MECOM: variants seen among roughly 807,000 people sequenced by gnomAD.
The protein encoded by MECOM is histone-lysine N-methyltransferase MECOM.
Under a neutral mutation model 116.3 loss-of-function variants are expected in MECOM, and 13 were observed. That is an observed-to-expected ratio of 0.11 (90% CI 0.07 to 0.18). The LOEUF (loss-of-function observed/expected upper bound fraction) is 0.18. Ranked by LOEUF, MECOM falls within the 10% of genes least tolerant of loss-of-function variation. The pLI, the probability that MECOM is intolerant of heterozygous loss-of-function variation, is 1.00. For missense variants in MECOM, 1,299 were observed against 1,509.0 expected (o/e 0.86, Z 2.31); for synonymous variants, 528 against 535.2 (o/e 0.99, Z 0.19).
At chr3:169,198,500 C>T (rs1015935973) in intron 2 of MECOM, among the ~76,000 whole-genome samples, 2 of 151,952 alleles carry the variant, frequency 1.3e-5, no homozygotes, top group African/African-American at 4.8e-5. Context: ...ATTACTTCTT[C>T]CATGGTTTAG....
chr3:169,261,385 T>C (rs1757515697), intron 2 of MECOM, among the ~76,000 whole-genome samples: 2 of 152,166 alleles, frequency 1.3e-5, no homozygotes, highest in African/African-American at 4.8e-5. Context: ...TATCTTTTTC[T>C]TAAGTGCATG....
rs116358592 is a variant in MECOM at position 169,414,290 on chromosome 3, C to T, written c.38-32766G>A. On this transcript the variant is annotated intron_variant, in intron 1 of 16. Coordinates refer to ENST00000651503, the MANE Select transcript of MECOM (RefSeq NM_004991.4). ...CAGCAAACTCCAGCAGACCTGCAGA[C>T]GAGGAGCCTGACTGTTAGAAGAAAA... Among the ~76,000 whole-genome samples the T allele has an allele frequency of 9.6e-3, 1,456 of 152,186 alleles. 28 individuals are homozygous for T. Among genetic ancestry groups the T allele is most frequent in the African/African-American group, 0.034 (1,394 of 41,554 alleles).
intron 1 of MECOM, among the ~76,000 whole-genome samples, chr3:169,594,174 A>AAAAAAAAAACC (rs1255613781): frequency 7.1e-5 from 9 of 125,946 alleles, no homozygotes; most frequent in African/African-American, 2.9e-4. Flanking sequence ...AAAAAAAAAA[A>AAAAAAAAAACC]AACACCTTTT....
intron 1 of MECOM, among the ~76,000 whole-genome samples, chr3:169,628,603 G>T (rs896564774): frequency 6.6e-6 from 1 of 152,178 alleles, no homozygotes; most frequent in Non-Finnish European, 1.5e-5. Flanking sequence ...ACATTGGCAA[G>T]GTACACACAA....
At chr3:169,412,578 A>G (rs980836661) in intron 1 of MECOM, among the ~76,000 whole-genome samples, 8 of 152,150 alleles carry the variant, frequency 5.3e-5, no homozygotes, top group African/African-American at 1.9e-4. Flanking sequence ...CAAGGAAAAC[A>G]AGCATCTTCC....
chr3:169,339,757 A>T (rs1431786975), intron 2 of MECOM, among the ~76,000 whole-genome samples: 3 of 151,488 alleles, frequency 2.0e-5, no homozygotes, highest in East Asian at 2.0e-4. Flanking sequence ...AATGACATTT[A>T]AAAAAAAACT....
At chr3:169,549,847 G>A (rs765211559) in intron 1 of MECOM, among the ~76,000 whole-genome samples, 37 of 152,170 alleles carry the variant, frequency 2.4e-4, no homozygotes, top group Non-Finnish European at 4.1e-4. Context: ...GGGATGTGGC[G>A]CTGTCCAGAA....
At chr3:169,307,967 A>G (rs964014790) in intron 2 of MECOM, among the ~76,000 whole-genome samples, 3 of 152,130 alleles carry the variant, frequency 2.0e-5, no homozygotes, top group African/African-American at 7.2e-5. Flanking sequence ...TCATGAATTA[A>G]CCAAATTATT....
At position 169,580,194 on chromosome 3, in the gene MECOM, G is replaced by A. The variant is rs775862028; in HGVS notation, c.37+83142C>T. On this transcript the variant is annotated intron_variant, in intron 1 of 16. Coordinates refer to ENST00000651503, the MANE Select transcript of MECOM (RefSeq NM_004991.4). ...TGGACTTTAGAGAGAATATGGTGGC[G>A]TCGAACAATGCTTTCAGTTTGGGGC... is the stretch of plus-strand genomic sequence containing the variant. 6.6e-5 allele frequency among the ~76,000 whole-genome samples: 10 copies of A among 152,308 alleles called. No individual in the cohort carries two copies. In the South Asian group the frequency reaches 8.3e-4, roughly 13 times the overall value.
rs181684079 is a variant in MECOM, at chr3:169,133,860, A to G, written c.511-2329T>C. ...TTATAAGTACACTGTTTCATTCTGG[A>G]GTTCTATTTCCCCTTAGAAAACAAT... On this transcript the variant is annotated intron_variant, in intron 3 of 16. Coordinates refer to ENST00000651503, the MANE Select transcript of MECOM (RefSeq NM_004991.4). 12 of 1,167,086 alleles carry G rather than the reference A, an allele frequency of 1.0e-5. No individual in the cohort carries two copies. In the Admixed American group the frequency reaches 1.4e-4, roughly 13 times the overall value. The allele number at this position is 1,167,086 out of a possible 1,614,324, so 72.3% of individuals were successfully genotyped here.
chr3:169,447,602 T>A (rs1311501535), intron 1 of MECOM, among the ~76,000 whole-genome samples: 4 of 152,220 alleles, frequency 2.6e-5, no homozygotes, highest in African/African-American at 7.2e-5. Context: ...TCTGTCACTG[T>A]CTTCAAGGAA....
At chr3:169,310,131 A>AT (rs1348173418) in intron 2 of MECOM, among the ~76,000 whole-genome samples, 2 of 152,122 alleles carry the variant, frequency 1.3e-5, no homozygotes, top group Admixed American at 1.3e-4. Context: ...CCATTTTGCA[A>AT]TTTTTTCCAA....
At chr3:169,125,579 GA>G (rs1732558346) in intron 5 of MECOM, among the ~76,000 whole-genome samples, 1 of 152,058 alleles carries the variant, frequency 6.6e-6, no homozygotes, top group Non-Finnish European at 1.5e-5. Flanking sequence ...TAATCGGGCA[GA>G]AACTCCATAT....
At chr3:169,185,975 G>T (rs1319150803) in intron 2 of MECOM, among the ~76,000 whole-genome samples, 1 of 151,982 alleles carries the variant, frequency 6.6e-6, no homozygotes, top group Non-Finnish European at 1.5e-5. Flanking sequence ...CCTTTTATTG[G>T]AATAAAGGAA....
chr3:169,292,022 A>G (rs1369620128), intron 2 of MECOM, among the ~76,000 whole-genome samples: 2 of 152,212 alleles, frequency 1.3e-5, no homozygotes, highest in Non-Finnish European at 2.9e-5. Context: ...ATACTGGACC[A>G]CAAATGATTA....
intron 1 of MECOM, among the ~76,000 whole-genome samples, chr3:169,419,625 T>A (rs568157686): frequency 2.6e-5 from 4 of 152,188 alleles, no homozygotes; most frequent in African/African-American, 9.6e-5. Flanking sequence ...GATTAAAGAT[T>A]TAAATGTAAG....
intron 2 of MECOM, among the ~76,000 whole-genome samples, chr3:169,183,188 C>T (rs1172756367): frequency 6.6e-6 from 1 of 152,160 alleles, no homozygotes; most frequent in Non-Finnish European, 1.5e-5. Flanking sequence ...TACTGTTACC[C>T]TAGCTATGTG....
chr3:169,411,722 G>A (rs965968701), intron 1 of MECOM, among the ~76,000 whole-genome samples: 1 of 152,244 alleles, frequency 6.6e-6, no homozygotes, highest in African/African-American at 2.4e-5. Context: ...TGGGCGCAGT[G>A]GCTCATGCCT....
Position 169,617,841 on chromosome 3 carries a change from T to C in MECOM, c.37+45495A>G, listed in dbSNP as rs80131155. 6.5e-3 allele frequency among the ~76,000 whole-genome samples: 997 copies of C among 152,312 alleles called. 9 individuals carry two copies. Among genetic ancestry groups the C allele is most frequent in the African/African-American group, 0.022 (932 of 41,550 alleles). On this transcript the variant is annotated intron_variant, in intron 1 of 16. Transcript: ENST00000651503. The stretch of plus-strand genomic sequence containing the variant: ...AGTCTATACCAACCATTTAGAACCA[T>C]GAAGAGAGTTTCAGGCCCTGAACTC...
Sources: allele counts gnomAD v4.1 joint callset (sites outside exome capture counted in the v4.1 genomes callset), GRCh38; gene constraint gnomAD v4.1.1; transcripts MANE v1.5; gene names NCBI Gene and HGNC (gene_info 2026-07-23, HGNC 2026-07-21).